The following KCNT2 variants were observed in gnomAD, a reference collection of about 807,000 sequenced individuals.
KCNT2 encodes potassium sodium-activated channel subfamily T member 2.
KCNT2 carries 67 observed loss-of-function variants against 153.8 expected under a neutral mutation model. The ratio of observed to expected loss-of-function variants is 0.44; its 90% CI spans 0.36 to 0.53. The LOEUF is 0.53. Among genes scored for constraint, KCNT2 ranks in the 20% least tolerant of loss-of-function variants. The pLI is 0.00. For synonymous variants in KCNT2, 500 were observed against 458.8 expected (o/e 1.09, Z -1.15); for missense variants, 975 against 1,354.8 (o/e 0.72, Z 4.40).
intron 1 of KCNT2, among the ~76,000 whole-genome samples, chr1:196,511,089 AATT>A (rs1389945163): frequency 6.0e-5 from 9 of 149,968 alleles, no homozygotes; most frequent in Middle Eastern, 6.8e-3. Context: ...AAGTTGAATA[AATT>A]ATTACACATA....
intron 11 of KCNT2, among the ~76,000 whole-genome samples, chr1:196,423,826 GTTA>G (rs1399739549): frequency 6.6e-6 from 1 of 151,700 alleles, no homozygotes; most frequent in Non-Finnish European, 1.5e-5. Context: ...TTGCACCATG[GTTA>G]TTAAGATAAT....
intron 8 of KCNT2, among the ~76,000 whole-genome samples, chr1:196,457,022 C>T (rs1052692810): frequency 6.6e-6 from 1 of 151,692 alleles, no homozygotes; most frequent in Admixed American, 6.6e-5. Flanking sequence ...AACTGAGATC[C>T]CAATCAAAAA....
At chr1:196,592,669 A>G (rs1373900113) in intron 1 of KCNT2, among the ~76,000 whole-genome samples, 1 of 145,626 alleles carries the variant, frequency 6.9e-6, no homozygotes, top group Non-Finnish European at 1.5e-5. Flanking sequence ...GTCTATAGAC[A>G]TACATATATG....
At chr1:196,294,583 A>G (rs758232887) in intron 22 of KCNT2, among the ~76,000 whole-genome samples, 3 of 152,018 alleles carry the variant, frequency 2.0e-5, no homozygotes, top group Non-Finnish European at 4.4e-5. Context: ...CAAGACAGCC[A>G]TTATGAAAAA....
intron 1 of KCNT2, among the ~76,000 whole-genome samples, chr1:196,507,028 G>C (rs1344657736): frequency 6.6e-6 from 1 of 151,936 alleles, no homozygotes; most frequent in Non-Finnish European, 1.5e-5. Context: ...ACAAAAAAGA[G>C]ATGAGTAAAT....
intron 19 of KCNT2, among the ~76,000 whole-genome samples, chr1:196,324,045 A>G (rs866077193): frequency 3.9e-5 from 6 of 152,024 alleles, no homozygotes; most frequent in Middle Eastern, 6.8e-3. Flanking sequence ...ATTCTTAACC[A>G]AAGGAACAGA....
intron 26 of KCNT2, among the ~76,000 whole-genome samples, chr1:196,249,833 A>G (rs1655794585): frequency 6.6e-6 from 1 of 152,096 alleles, no homozygotes; most frequent in Non-Finnish European, 1.5e-5. Context: ...GATAAAATCA[A>G]GAAGGTAATC....
chr1:196,453,226 A>G (rs919822013), intron 8 of KCNT2, among the ~76,000 whole-genome samples: 1 of 151,608 alleles, frequency 6.6e-6, no homozygotes, highest in Non-Finnish European at 1.5e-5. Flanking sequence ...CAGTAGAACG[A>G]TATTCTTAGG....
At chr1:196,462,604 A>G (rs796878157) in intron 8 of KCNT2, among the ~76,000 whole-genome samples, 88 of 151,828 alleles carry the variant, frequency 5.8e-4, no homozygotes, top group African/African-American at 2.0e-3. Flanking sequence ...AAATGGAAAA[A>G]AAAAACTAAA....
chr1:196,300,155 A>G (rs575088554), intron 22 of KCNT2, among the ~76,000 whole-genome samples: 1 of 152,340 alleles, frequency 6.6e-6, no homozygotes, highest in Admixed American at 6.5e-5. Flanking sequence ...CTGAAGTTAC[A>G]TAGGTAATGA....
At chr1:196,385,868 C>G (rs973568266) in intron 13 of KCNT2, among the ~76,000 whole-genome samples, 2 of 151,706 alleles carry the variant, frequency 1.3e-5, no homozygotes, top group Admixed American at 1.3e-4. Flanking sequence ...CCAGGATTGC[C>G]CCAAATAACT....
At chr1:196,371,218 T>C (rs1346160194) in intron 14 of KCNT2, among the ~76,000 whole-genome samples, 53 of 8,204 alleles carry the variant, frequency 6.5e-3, no homozygotes, top group African/African-American at 0.043. Context: ...ATCCCGTCAC[T>C]ACAAAAAAAA....
chr1:196,366,160 T>A (rs1668020765), intron 14 of KCNT2, among the ~76,000 whole-genome samples: 2 of 151,396 alleles, frequency 1.3e-5, no homozygotes, highest in Admixed American at 1.3e-4. Context: ...TTTATTTAAT[T>A]ATTATTTTTT....
chr1:196,357,305 G>C (rs1667252686), intron 14 of KCNT2, among the ~76,000 whole-genome samples: 1 of 151,910 alleles, frequency 6.6e-6, no homozygotes, highest in Non-Finnish European at 1.5e-5. Context: ...TATCCAGAAA[G>C]AATGTTCAAA....
At chr1:196,261,869 G>A (rs16839682) in intron 25 of KCNT2, among the ~76,000 whole-genome samples, 7,529 of 151,812 alleles carry the variant, frequency 0.05, 285 homozygotes, top group Non-Finnish European at 0.071. Context: ...ATGTTTGTGA[G>A]AATGACGAAA....
intron 26 of KCNT2, among the ~76,000 whole-genome samples, chr1:196,246,036 T>C (rs1306447760): frequency 3.9e-5 from 6 of 152,086 alleles, no homozygotes; most frequent in Non-Finnish European, 8.8e-5. Flanking sequence ...AAGACTACTT[T>C]AAGACATTTA....
At chr1:196,489,733 T>C in intron 3 of KCNT2, 105 bp downstream of exon 3, 2 of 658,110 alleles carry the variant, frequency 3.0e-6, no homozygotes, top group Non-Finnish European at 5.3e-6. Context: ...ACACCTAAAA[T>C]ACCCTTAAAA....
chr1:196,335,475 T>A (rs2148126229), intron 16 of KCNT2, among the ~76,000 whole-genome samples: 1 of 152,248 alleles, frequency 6.6e-6, no homozygotes, highest in South Asian at 2.1e-4. Context: ...ACTGTACTGA[T>A]TGGTGTAGTC....
chr1:196,485,909 A>T (rs1679381946), intron 3 of KCNT2, among the ~76,000 whole-genome samples: 1 of 151,956 alleles, frequency 6.6e-6, no homozygotes, highest in African/African-American at 2.4e-5. Flanking sequence ...TTCAAATGAA[A>T]ATTTAATCTC....
Sources: gnomAD v4.1 joint callset for allele counts (sites outside exome capture counted in the v4.1 genomes callset) on GRCh38, gnomAD v4.1.1 for gene constraint, MANE v1.5 for transcripts, NCBI Gene and HGNC (gene_info 2026-07-23, HGNC 2026-07-21) for gene names.